The following DPP10 variants were observed in gnomAD, a reference collection of about 807,000 sequenced individuals.
DPP10 encodes dipeptidyl peptidase like 10.
A neutral mutation model predicts 120.9 loss-of-function variants in DPP10; 33 were observed. That is an observed-to-expected ratio of 0.27 (90% CI 0.21 to 0.37). The LOEUF (loss-of-function observed/expected upper bound fraction) is 0.37. Ranked by LOEUF, DPP10 falls within the 10% of genes least tolerant of loss-of-function variation. The pLI, the probability that DPP10 is intolerant of heterozygous loss-of-function variation, is 1.00. For missense variants in DPP10, 816 were observed against 942.8 expected (o/e 0.87, Z 1.76); for synonymous variants, 337 against 326.1 (o/e 1.03, Z -0.36).
At chr2:115,361,220 T>A (rs2064744211) in intron 3 of DPP10, among the ~76,000 whole-genome samples, 1 of 151,898 alleles carries the variant, frequency 6.6e-6, no homozygotes, top group African/African-American at 2.4e-5. Context: ...GAGTGAGGGC[T>A]CCTCTCCTGC....
intron 1 of DPP10, among the ~76,000 whole-genome samples, chr2:114,843,733 G>A (rs953830329): frequency 9.2e-5 from 14 of 151,932 alleles, no homozygotes; most frequent in South Asian, 4.2e-4. Context: ...TTCTGGTCCC[G>A]TCAATCCCTT....
intron 1 of DPP10, among the ~76,000 whole-genome samples, chr2:114,849,240 C>T (rs555438449): frequency 6.6e-6 from 1 of 152,200 alleles, no homozygotes; most frequent in South Asian, 2.1e-4. Flanking sequence ...GTGCCCCAGC[C>T]CTTGGCCTCT....
At position 114,960,890 on chromosome 2, in the gene DPP10, T is replaced by TA. The variant is rs1698565097; in HGVS notation, c.61-348346dup. On this transcript the variant is annotated intron_variant, in intron 1 of 25. Coordinates refer to ENST00000410059, the MANE Select transcript of DPP10 (RefSeq NM_020868.6). ...AATTTGTTTTGGTGGCTATATAGCT[T>TA]AAATATAACAATGGTTGATATTCTA... 2.0e-5 allele frequency among the ~76,000 whole-genome samples: 3 copies of TA among 152,234 alleles called. No homozygotes were observed. The South Asian group carries it at 6.2e-4, about 32-fold the overall frequency.
chr2:114,549,445 GT>G (rs1053263245), intron 1 of DPP10, among the ~76,000 whole-genome samples: 46 of 152,182 alleles, frequency 3.0e-4, no homozygotes, highest in Non-Finnish European at 5.3e-4. Context: ...GGCAGATCAC[GT>G]GGTCAGGAGT....
chr2:114,634,501 G>A (rs948415046), intron 1 of DPP10, among the ~76,000 whole-genome samples: 7 of 151,824 alleles, frequency 4.6e-5, no homozygotes, highest in African/African-American at 1.7e-4. Context: ...CAGTCTGGTT[G>A]CAGAAGTAAA....
At chr2:115,203,440 A>G (rs1026590748) in intron 1 of DPP10, among the ~76,000 whole-genome samples, 3 of 152,050 alleles carry the variant, frequency 2.0e-5, no homozygotes, top group African/African-American at 4.8e-5. Context: ...AATTTTTTCT[A>G]TGATTTGCCT....
intron 1 of DPP10, among the ~76,000 whole-genome samples, chr2:115,012,048 C>G (rs1456375504): frequency 3.9e-5 from 6 of 152,026 alleles, no homozygotes; most frequent in African/African-American, 1.2e-4. Flanking sequence ...GATGAGTAAG[C>G]AGAGGCAGCC....
chr2:114,900,544 T>G (rs1693474184), intron 1 of DPP10, among the ~76,000 whole-genome samples: 1 of 152,240 alleles, frequency 6.6e-6, no homozygotes, highest in Non-Finnish European at 1.5e-5. Flanking sequence ...TGCTCTTTTT[T>G]GACTGGGTTG....
chr2:115,838,645 G>A (rs1689778066), intron 24 of DPP10, among the ~76,000 whole-genome samples: 1 of 152,122 alleles, frequency 6.6e-6, no homozygotes, highest in South Asian at 2.1e-4. Flanking sequence ...CTGTCAATAT[G>A]TTGTAGCTAT....
intron 1 of DPP10, among the ~76,000 whole-genome samples, chr2:115,193,443 A>G (rs1490539675): frequency 1.3e-5 from 2 of 152,218 alleles, no homozygotes; most frequent in Non-Finnish European, 2.9e-5. Context: ...AGCAAACTTT[A>G]CTTTTGTTGA....
intron 1 of DPP10, among the ~76,000 whole-genome samples, chr2:115,085,631 T>C (rs929145672): frequency 2.0e-5 from 3 of 152,172 alleles, no homozygotes; most frequent in Non-Finnish European, 2.9e-5. Context: ...TAGAACATGT[T>C]AGGAAATCTC....
intron 1 of DPP10, among the ~76,000 whole-genome samples, chr2:115,137,921 C>T (rs746103608): frequency 1.3e-5 from 2 of 152,070 alleles, no homozygotes; most frequent in Admixed American, 1.3e-4. Context: ...GCTAAGACAG[C>T]TTTACACAGA....
chr2:114,610,742 G>T (rs1693216611), intron 1 of DPP10, among the ~76,000 whole-genome samples: 1 of 152,070 alleles, frequency 6.6e-6, no homozygotes, highest in South Asian at 2.1e-4. Flanking sequence ...TTTTCTCCGG[G>T]CTCAGTCTCT....
intron 1 of DPP10, among the ~76,000 whole-genome samples, chr2:115,207,118 G>A (rs758834308): frequency 6.6e-6 from 1 of 152,082 alleles, no homozygotes; most frequent in Admixed American, 6.6e-5. Context: ...TAGACCAAAC[G>A]ATGCTTACAC....
intron 1 of DPP10, among the ~76,000 whole-genome samples, chr2:114,913,583 G>A (rs1487047219): frequency 6.6e-6 from 1 of 152,094 alleles, no homozygotes; most frequent in East Asian, 1.9e-4. Flanking sequence ...CATCCAAAGT[G>A]GCAATTTTAA....
chr2:115,546,656 A>C (rs558835169), intron 5 of DPP10, among the ~76,000 whole-genome samples: 30 of 152,262 alleles, frequency 2.0e-4, no homozygotes, highest in African/African-American at 7.0e-4. Context: ...ATTGATAATT[A>C]AACTTATCAA....
At chr2:115,691,372 C>T (rs1006648866) in intron 7 of DPP10, among the ~76,000 whole-genome samples, 2 of 152,076 alleles carry the variant, frequency 1.3e-5, no homozygotes, top group Admixed American at 1.3e-4. Flanking sequence ...CTTGATCCAT[C>T]CATCTGAAAT....
chr2:115,160,786 T>C lies in DPP10; in HGVS notation c.61-148453T>C, dbSNP rs117622427. On this transcript the variant is annotated intron_variant, in intron 1 of 25. Coordinates refer to ENST00000410059, the MANE Select transcript of DPP10 (RefSeq NM_020868.6). ...ACTTCCTAAGAGCTACATTGACTCA[T>C]TGATTTGTATCCAGGCTCCGGGCTC... Among the ~76,000 whole-genome samples the C allele has an allele frequency of 4.2e-4, 64 of 152,246 alleles. No homozygotes were observed. In the East Asian group the frequency reaches 8.1e-3, roughly 19 times the overall value.
chr2:114,516,257 T>C (rs1266255732), intron 1 of DPP10, among the ~76,000 whole-genome samples: 1 of 152,238 alleles, frequency 6.6e-6, no homozygotes, highest in South Asian at 2.1e-4. Context: ...CAGGCTGTTA[T>C]GGGCAAATTC....
Sources: gnomAD v4.1 joint callset for allele counts (sites outside exome capture counted in the v4.1 genomes callset) on GRCh38, gnomAD v4.1.1 for gene constraint, MANE v1.5 for transcripts, NCBI Gene and HGNC (gene_info 2026-07-23, HGNC 2026-07-21) for gene names.